The following LAMB4 variants were observed in gnomAD, a reference collection of about 807,000 sequenced individuals.
LAMB4 encodes the protein laminin subunit beta 4.
In LAMB4, 196 loss-of-function variants were observed where a neutral mutation model predicts 199.2. The ratio of observed to expected loss-of-function variants is 0.98; its 90% CI spans 0.88 to 1.11. The LOEUF (loss-of-function observed/expected upper bound fraction) is 1.11, where lower values mean the gene tolerates loss of function less well. LAMB4 is among the 50% of genes least tolerant of loss of function. The pLI is 0.00. For missense variants in LAMB4, 2,080 were observed against 2,171.2 expected, an observed-to-expected ratio of 0.96 and a Z score of 0.83; for synonymous variants, 744 against 770.6, an observed-to-expected ratio of 0.97 and a Z score of 0.57.
intron 17 of LAMB4, among the ~76,000 whole-genome samples, chr7:108,075,350 T>C (rs1303249680): frequency 1.3e-5 from 2 of 152,168 alleles, no homozygotes; most frequent in Non-Finnish European, 2.9e-5. Context: ...ACACCTTTGA[T>C]TATGGTTGCC....
chr7:108,112,772 C>G (rs545650046), intron 3 of LAMB4, among the ~76,000 whole-genome samples: 1 of 152,342 alleles, frequency 6.6e-6, no homozygotes, highest in East Asian at 1.9e-4. Context: ...TGAAGGAGCT[C>G]TTTTGCAAAG....
intron 17 of LAMB4, among the ~76,000 whole-genome samples, chr7:108,071,348 C>T (rs990301668): frequency 8.2e-6 from 1 of 122,088 alleles, no homozygotes; most frequent in African/African-American, 3.7e-5. Flanking sequence ...CTCATCAGCA[C>T]CCCCCTAACT....
In LAMB4 at chr7:108,048,076, G is replaced by A; in HGVS notation, c.4158C>T (p.Pro1386=). Residue 1386 remains proline, a synonymous_variant, in exon 28 of 34, where the codon CCC becomes CCT. Coordinates refer to ENST00000388781, the MANE Select transcript of LAMB4 (RefSeq NM_007356.3). ...CGDPGNVPCV[P]LPCGGALCTG... ...TGCAGAGAGCACCGCCACAGGGCAA[G>A]GGCACACATGGCACATTTCCTGGAT... is the stretch of plus-strand genomic sequence containing the variant. 6.2e-7 allele frequency: 1 copy of A among 1,613,980 alleles called. No individual in the cohort carries two copies.
chr7:108,107,718 A>G lies in LAMB4; in HGVS notation c.504T>C (p.Pro168=), dbSNP rs1345514601. ...YFAKDCATSF[P]NITSGQAQGV... is the part of the protein sequence containing the mutation. ...CCTGGGCCTGGCCAGATGTGATGTT[A>G]GGAAAGGAAGTGGCACAGTCTTTTG... is the stretch of plus-strand genomic sequence containing the variant. The change falls in exon 6 of 34, where the codon CCT becomes CCC. Residue 168 remains proline, a synonymous_variant. Coordinates refer to ENST00000388781, the MANE Select transcript of LAMB4 (RefSeq NM_007356.3). 12 of 1,613,778 alleles carry G rather than the reference A, an allele frequency of 7.4e-6. No individual in the cohort carries two copies. Among genetic ancestry groups the G allele is most frequent in the Non-Finnish European group, 1.0e-5 (12 of 1,179,786 alleles).
Position 108,055,750 on chromosome 7 carries a change from A to C in LAMB4, c.3637T>G (p.Cys1213Gly), listed in dbSNP as rs777112785. The C allele has an allele frequency of 1.9e-6, 3 of 1,614,224 alleles. No homozygotes were observed. Among genetic ancestry groups the C allele is most frequent in the Admixed American group, 1.7e-5 (1 of 60,032 alleles). Reference protein sequence around the residue: ...MEDKRETLPVCEADFKDLRGN... With the variant: ...MEDKRETLPVGEADFKDLRGN... ...CTGAGGTCTTTGAAGTCTGCCTCAC[A>C]GACAGGCAGGGTCTCTCTTTTATCT... is the stretch of plus-strand genomic sequence containing the variant. The change falls in exon 25 of 34, where the codon TGT (cysteine) becomes GGT (glycine). Residue 1213 changes from cysteine (C) to glycine (G), a missense_variant. Transcript: ENST00000388781.
chr7:108,032,217 T>C (rs2035062724), intron 31 of LAMB4, among the ~76,000 whole-genome samples: 1 of 152,026 alleles, frequency 6.6e-6, no homozygotes, highest in Non-Finnish European at 1.5e-5. Context: ...TGGCGAAACC[T>C]CGTCTCTTCT....
intron 14 of LAMB4, among the ~76,000 whole-genome samples, chr7:108,089,351 C>A (rs987530301): frequency 2.6e-5 from 4 of 152,146 alleles, no homozygotes; most frequent in Non-Finnish European, 4.4e-5. Flanking sequence ...TACAATAGTT[C>A]TTCTCTATTT....
At chr7:108,125,031 T>C (rs138753090) in intron 1 of LAMB4, among the ~76,000 whole-genome samples, 6 of 152,370 alleles carry the variant, frequency 3.9e-5, no homozygotes, top group African/African-American at 1.4e-4. Flanking sequence ...GGGTTCACTT[T>C]GGAAGTCCAA....
intron 14 of LAMB4, among the ~76,000 whole-genome samples, chr7:108,083,779 G>A (rs983037776): frequency 2.0e-5 from 3 of 152,204 alleles, no homozygotes; most frequent in African/African-American, 7.2e-5. Flanking sequence ...GATTAGCCAT[G>A]CCCACTACCA....
At position 108,043,778 on chromosome 7, in the gene LAMB4, A is replaced by G; in HGVS notation, c.4445T>C (p.Ile1482Thr). 1 of 1,589,284 alleles carries G rather than the reference A, an allele frequency of 6.3e-7. No individual in the cohort carries two copies. Among genetic ancestry groups the G allele is most frequent in the South Asian group, 1.1e-5 (1 of 87,404 alleles). ...TAACAAAAAGTTTTTCACTTTTTTG[A>G]TGAAAAGATTGATGTTTTCTTCTTC... The part of the protein sequence containing the change: ...DSEEENINLF[I>T]KKVKNFLLEE... Residue 1482 changes from isoleucine (I) to threonine (T), a missense_variant, in exon 29 of 34, where the codon ATC (isoleucine) becomes ACC (threonine). Coordinates refer to ENST00000388781, the MANE Select transcript of LAMB4 (RefSeq NM_007356.3).
chr7:108,119,089 A>T (rs1173008249), intron 2 of LAMB4, among the ~76,000 whole-genome samples: 1 of 152,218 alleles, frequency 6.6e-6, no homozygotes, highest in Non-Finnish European at 1.5e-5. Flanking sequence ...TCACATTGAG[A>T]TATCACTACA....
chr7:108,094,110 G>A (rs748840699), intron 12 of LAMB4, among the ~76,000 whole-genome samples: 1 of 152,150 alleles, frequency 6.6e-6, no homozygotes, highest in Non-Finnish European at 1.5e-5. Flanking sequence ...TTCCCCCATG[G>A]GGGGGGTCCC....
intron 28 of LAMB4, among the ~76,000 whole-genome samples, chr7:108,047,664 C>A (rs1297440745): frequency 1.3e-5 from 2 of 152,102 alleles, no homozygotes; most frequent in East Asian, 1.9e-4. Flanking sequence ...GTGCCCCTAA[C>A]CCCTATGTTG....
intron 10 of LAMB4, among the ~76,000 whole-genome samples, chr7:108,102,778 A>C (rs1370648551): frequency 3.3e-5 from 5 of 152,196 alleles, no homozygotes; most frequent in African/African-American, 4.8e-5. Context: ...CTCCCCCAGC[A>C]GGCTTCCATG....
At position 108,057,910 on chromosome 7, in the gene LAMB4, A is replaced by G; in HGVS notation, c.3301T>C (p.Cys1101Arg). 2 of 1,613,560 alleles carry G rather than the reference A, an allele frequency of 1.2e-6. No individual in the cohort carries two copies. Among genetic ancestry groups the G allele is most frequent in the Non-Finnish European group, 1.7e-6 (2 of 1,179,490 alleles). Residue 1101 changes from cysteine to arginine, a missense_variant, in exon 24 of 34, where the codon TGT (cysteine) becomes CGT (arginine). By Grantham distance (180) the Cys-to-Arg change is radical (BLOSUM62 -3). Coordinates refer to ENST00000388781, the MANE Select transcript of LAMB4 (RefSeq NM_007356.3). The stretch of plus-strand genomic sequence containing the variant: ...CGTTTCCCGCCGTAACCTAATTTAC[A>G]CGGACACTGGCCTGTAAGCTGTGAG... ...HCDQLTGQCP[C>R]KLGYGGKRCS... is the part of the protein sequence containing the mutation.
chr7:108,103,405 G>A (rs765323989), intron 9 of LAMB4, among the ~76,000 whole-genome samples, 173 bp from the exon 10 acceptor site: 11 of 152,170 alleles, frequency 7.2e-5, no homozygotes, highest in Non-Finnish European at 1.6e-4. Flanking sequence ...TCAGGGGATC[G>A]TTCTAACACT....
chr7:108,055,818 G>A lies in LAMB4; in HGVS notation c.3569C>T (p.Ser1190Phe), dbSNP rs564495680. ...DQWDHTISSLSKAVQGLMRLA... is the reference protein window; with the variant it reads ...DQWDHTISSLFKAVQGLMRLA... ...TCTCATTAACCCTTGCACCGCTTTG[G>A]AGAGGGAAGAAATGGTGTGGTCCCA... Residue 1190 changes from serine (S) to phenylalanine (F), a missense_variant, in exon 25 of 34, where the codon TCC becomes TTC. By Grantham distance (155) the Ser-to-Phe change is radical. Coordinates refer to ENST00000388781, the MANE Select transcript of LAMB4 (RefSeq NM_007356.3). 1 of 1,614,174 alleles carries A rather than the reference G, an allele frequency of 6.2e-7. No homozygotes were observed. Among genetic ancestry groups the A allele is most frequent in the East Asian group, 2.2e-5 (1 of 44,882 alleles).
rs2036720907 is a variant in LAMB4, at chr7:108,076,850, CATTTTTAAAGAAATATT to C, written c.2124+77_2124+93del. 2.1e-6 allele frequency: 3 copies of C among 1,402,168 alleles called. No individual in the cohort carries two copies. In the South Asian group the frequency reaches 4.0e-5, roughly 19 times the overall value. The allele number at this position is 1,402,168 out of a possible 1,614,324, so 86.9% of individuals were successfully genotyped here. Reference sequence around the variant, plus strand: ...TTTTATAATTGAGCAAATACGTTTACATTTTTAAAGAAATATTTCACTAGTGAGTTTAAAAGTAGTTA... The same window carrying C: ...TTTTATAATTGAGCAAATACGTTTACTCACTAGTGAGTTTAAAAGTAGTTA... On this transcript the variant is annotated intron_variant, in intron 17 of 33. Transcript: ENST00000388781.
chr7:108,057,690 A>C (rs2036026128), intron 24 of LAMB4, 142 bp downstream of exon 24: 1 of 601,276 alleles, frequency 1.7e-6, no homozygotes, highest in Non-Finnish European at 3.0e-6. Flanking sequence ...TTCAAAATGT[A>C]GAATTAAACT....
Sources: gnomAD v4.1 joint callset for allele counts (sites outside exome capture counted in the v4.1 genomes callset) on GRCh38, gnomAD v4.1.1 for gene constraint, MANE v1.5 for transcripts, NCBI Gene and HGNC (gene_info 2026-07-23, HGNC 2026-07-21) for gene names.